Variants in CCDC30 observed in about 807,000 individuals in gnomAD.
The protein encoded by CCDC30 is coiled-coil domain containing 30, also known as coiled-coil domain-containing protein 30.
In CCDC30, 70 loss-of-function variants were observed where a neutral mutation model predicts 100.2. That is an observed-to-expected ratio of 0.70 (90% confidence interval 0.58 to 0.85). The LOEUF (loss-of-function observed/expected upper bound fraction) is 0.85, where lower values mean the gene tolerates loss of function less well. Among genes scored for constraint, CCDC30 ranks in the 40% least tolerant of loss-of-function variants. CCDC30 has a pLI of 0.00. For synonymous variants in CCDC30, 233 were observed against 269.5 expected (o/e 0.86, Z 1.33); for missense variants, 652 against 771.2 (o/e 0.85, Z 1.83).
rs140022377 is a variant in CCDC30, at chr1:42,492,914, G to A, written c.241+2685G>A. Reference sequence around the variant, plus strand: ...CCCGCCTCAGCCTCCCAAAGTGCTGGGATTACAGGCGTGAGCCACCGCACC... The same window carrying A: ...CCCGCCTCAGCCTCCCAAAGTGCTGAGATTACAGGCGTGAGCCACCGCACC... On this transcript the variant is annotated intron_variant, in intron 4 of 16. Transcript: ENST00000668663. 2.3e-3 allele frequency among the ~76,000 whole-genome samples: 343 copies of A among 151,904 alleles called. 2 individuals carry two copies. Among genetic ancestry groups the A allele is most frequent in the African/African-American group, 8.0e-3 (330 of 41,438 alleles).
intron 12 of CCDC30, among the ~76,000 whole-genome samples, chr1:42,638,611 C>T (rs905286493): frequency 4.0e-5 from 6 of 149,628 alleles, no homozygotes; most frequent in Non-Finnish European, 3.0e-5. Flanking sequence ...CGGTGGCTTG[C>T]GCCTGTAATC....
chr1:42,469,410 G>T (rs1168566824), intron 1 of CCDC30, among the ~76,000 whole-genome samples: 1 of 152,148 alleles, frequency 6.6e-6, no homozygotes, highest in Non-Finnish European at 1.5e-5. Flanking sequence ...TGCAGCAAGT[G>T]TAAGAGTGTG....
chr1:42,553,776 G>A (rs34783643), intron 6 of CCDC30, among the ~76,000 whole-genome samples: 2,617 of 151,782 alleles, frequency 0.017, 32 homozygotes, highest in Non-Finnish European at 0.026. Flanking sequence ...ATAAATGATG[G>A]AAAATTTCAT....
At chr1:42,517,956 G>A (rs1022269066) in intron 6 of CCDC30, among the ~76,000 whole-genome samples, 1 of 152,076 alleles carries the variant, frequency 6.6e-6, no homozygotes. Context: ...GCTGTTTGGG[G>A]TCCCTTTAGG....
chr1:42,609,885 A>G (rs748462247), intron 10 of CCDC30, among the ~76,000 whole-genome samples: 1 of 152,208 alleles, frequency 6.6e-6, no homozygotes, highest in Non-Finnish European at 1.5e-5. Context: ...TTCTCACATA[A>G]GAGACCTAGC....
chr1:42,469,794 T>C (rs914305270), intron 1 of CCDC30, among the ~76,000 whole-genome samples: 1 of 152,178 alleles, frequency 6.6e-6, no homozygotes, highest in Non-Finnish European at 1.5e-5. Context: ...TTACTAGTTC[T>C]CTGGGAGACA....
rs540818299 is a variant in CCDC30, at chr1:42,611,151, C to A, written c.1277+61C>A. The stretch of plus-strand genomic sequence containing the variant: ...TGTAGAGTAGTTATTTCTTGCTGAG[C>A]AGGCTCTAGGGCTAAATGGTGGGCT... On this transcript the variant is annotated intron_variant, in intron 11 of 16. Coordinates refer to ENST00000668663, the Ensembl canonical transcript of CCDC30. The A allele has an allele frequency of 1.2e-5, 12 of 1,012,706 alleles. No individual in the cohort carries two copies. In the South Asian group the frequency reaches 1.3e-4, roughly 11 times the overall value. The allele number at this position is 1,012,706 out of a possible 1,614,324, so 62.7% of individuals were successfully genotyped here.
At chr1:42,592,394 C>T (rs982320930) in intron 10 of CCDC30, 8 of 152,138 alleles carry the variant, frequency 5.3e-5, no homozygotes, top group African/African-American at 1.9e-4. Flanking sequence ...GTGTGCTCTT[C>T]ATGAGATCTG....
At chr1:42,521,141 C>CT (rs80031257) in intron 6 of CCDC30, 16 of 144,686 alleles carry the variant, frequency 1.1e-4, no homozygotes, top group Middle Eastern at 3.5e-3. Context: ...GACTGGCTAA[C>CT]TTTTTTTTTT....
intron 6 of CCDC30, among the ~76,000 whole-genome samples, chr1:42,520,894 G>A (rs2148502977): frequency 6.6e-6 from 1 of 151,030 alleles, no homozygotes; most frequent in South Asian, 2.1e-4. Flanking sequence ...TGATCCACCT[G>A]CCTCAGCCTC....
chr1:42,598,418 C>T (rs1487239776), intron 10 of CCDC30, among the ~76,000 whole-genome samples: 4 of 98,268 alleles, frequency 4.1e-5, no homozygotes, highest in Admixed American at 1.2e-4. Context: ...CTGGGGGTGG[C>T]GGTGGGGGTG....
At chr1:42,478,683 T>A (rs895103197) in intron 1 of CCDC30, among the ~76,000 whole-genome samples, 1 of 152,050 alleles carries the variant, frequency 6.6e-6, no homozygotes, top group African/African-American at 2.4e-5. Context: ...CACCTGAGCC[T>A]GGGAGGTCGA....
intron 1 of CCDC30, among the ~76,000 whole-genome samples, chr1:42,475,082 T>A (rs1307446545): frequency 3.3e-5 from 5 of 152,040 alleles, no homozygotes; most frequent in African/African-American, 9.7e-5. Context: ...AAACCTGGTA[T>A]GTTGATAGAA....
intron 6 of CCDC30, among the ~76,000 whole-genome samples, chr1:42,531,622 C>T (rs943366293): frequency 3.3e-5 from 5 of 152,018 alleles, no homozygotes; most frequent in Admixed American, 2.6e-4. Flanking sequence ...ATTAGCTAGG[C>T]GTGGCGGCGC....
At chr1:42,564,313 A>T (rs922843434) in intron 6 of CCDC30, among the ~76,000 whole-genome samples, 8 of 151,706 alleles carry the variant, frequency 5.3e-5, no homozygotes, top group Non-Finnish European at 1.0e-4. Context: ...TTACAGCTTT[A>T]TTCAGGATTT....
intron 11 of CCDC30, among the ~76,000 whole-genome samples, chr1:42,631,660 G>T (rs1268849267): frequency 6.6e-6 from 1 of 152,200 alleles, no homozygotes. Flanking sequence ...GTGTTCTGTT[G>T]TATTGTGGCT....
chr1:42,468,716 G>A (rs1344441289), intron 1 of CCDC30: 1 of 152,174 alleles, frequency 6.6e-6, no homozygotes, highest in African/African-American at 2.4e-5. Flanking sequence ...ACAACAGAGT[G>A]AGGTAGGCAT....
At chr1:42,460,973 A>G (rs979003921), upstream of CCDC30, among the ~76,000 whole-genome samples, 5 of 152,222 alleles carry the variant, frequency 3.3e-5, no homozygotes. Context: ...AAAACTTTCA[A>G]TACTTCTCTT....
chr1:42,457,800 CA>C, the CCDC30 span, among the ~76,000 whole-genome samples: 1 of 151,768 alleles, frequency 6.6e-6, no homozygotes, highest in Non-Finnish European at 1.5e-5. Flanking sequence ...TAAAAAAATA[CA>C]AAAATTAGCC....
Sources: gnomAD v4.1 joint callset for allele counts (sites outside exome capture counted in the v4.1 genomes callset) on GRCh38, gnomAD v4.1.1 for gene constraint, MANE v1.5 for transcripts, NCBI Gene and HGNC (gene_info 2026-07-23, HGNC 2026-07-21) for gene names.